Variants in MCHR2 observed in about 807,000 individuals in gnomAD.
MCHR2 encodes melanin concentrating hormone receptor 2.
In MCHR2, 15 loss-of-function variants were observed where a neutral mutation model predicts 24.8. The ratio of observed to expected loss-of-function variants is 0.60; its 90% confidence interval spans 0.40 to 0.93. The LOEUF (loss-of-function observed/expected upper bound fraction) is 0.93. MCHR2 is among the 40% of genes least tolerant of loss of function. MCHR2 has a pLI of 0.00. For synonymous variants in MCHR2, 151 were observed against 147.6 expected, an observed-to-expected ratio of 1.02 and a Z score of -0.17; for missense variants, 386 against 408.7, an observed-to-expected ratio of 0.94 and a Z score of 0.48.
At chr6:99,990,714 T>C (rs1295774776) in intron 1 of MCHR2, among the ~76,000 whole-genome samples, 1 of 151,970 alleles carries the variant, frequency 6.6e-6, no homozygotes, top group East Asian at 1.9e-4. Flanking sequence ...ATCATAAACT[T>C]TTCCCTGGAT....
chr6:99,929,695 A>C (rs1774466206), intron 5 of MCHR2, among the ~76,000 whole-genome samples: 9 of 151,928 alleles, frequency 5.9e-5, no homozygotes, highest in Admixed American at 5.9e-4. Flanking sequence ...TGCTTGGTAG[A>C]TCTTTCTCCA....
At chr6:99,981,321 C>T (rs894207870) in intron 1 of MCHR2, among the ~76,000 whole-genome samples, 2 of 152,192 alleles carry the variant, frequency 1.3e-5, no homozygotes, top group African/African-American at 2.4e-5. Context: ...CTGCTAAACA[C>T]TTCCCTGTGG....
intron 1 of MCHR2, among the ~76,000 whole-genome samples, chr6:99,974,254 T>C (rs959865887): frequency 7.0e-6 from 1 of 143,306 alleles, no homozygotes; most frequent in Non-Finnish European, 1.5e-5. Flanking sequence ...AAGCTTTGTT[T>C]GTTTCTTTTT....
chr6:99,923,050 G>A (rs1562115726), intron 5 of MCHR2, among the ~76,000 whole-genome samples: 1 of 151,958 alleles, frequency 6.6e-6, no homozygotes, highest in African/African-American at 2.4e-5. Flanking sequence ...ATTTTTTGGT[G>A]TCCTCTTCAA....
chr6:99,936,459 C>A (rs1582377220), intron 4 of MCHR2, among the ~76,000 whole-genome samples: 1 of 151,810 alleles, frequency 6.6e-6, no homozygotes, highest in Non-Finnish European at 1.5e-5. Flanking sequence ...AAGGGACTTT[C>A]CTGTCTCCAT....
At chr6:99,931,931 G>A (rs553677699) in intron 5 of MCHR2, among the ~76,000 whole-genome samples, 6 of 152,250 alleles carry the variant, frequency 3.9e-5, no homozygotes, top group South Asian at 2.1e-4. Flanking sequence ...CTTCTGCGTC[G>A]CTCACGCTGG....
intron 1 of MCHR2, among the ~76,000 whole-genome samples, chr6:99,961,155 G>A (rs573228129): frequency 2.6e-5 from 4 of 151,708 alleles, no homozygotes; most frequent in Non-Finnish European, 4.4e-5. Flanking sequence ...ATCAAAAAGT[G>A]GGCAAAGGAT....
intron 2 of MCHR2, among the ~76,000 whole-genome samples, chr6:99,955,076 T>G (rs1206355709): frequency 2.6e-5 from 4 of 152,126 alleles, no homozygotes; most frequent in Non-Finnish European, 5.9e-5. Flanking sequence ...TTATAACATA[T>G]GAATATGGAA....
At chr6:99,921,875 T>A (rs575949397) in intron 5 of MCHR2, among the ~76,000 whole-genome samples, 1 of 152,326 alleles carries the variant, frequency 6.6e-6, no homozygotes, top group African/African-American at 2.4e-5. Flanking sequence ...GAACATGTGA[T>A]GTTTGTCTTT....
At chr6:99,960,832 A>G (rs1254775480) in intron 1 of MCHR2, among the ~76,000 whole-genome samples, 2 of 152,198 alleles carry the variant, frequency 1.3e-5, no homozygotes, top group East Asian at 3.8e-4. Flanking sequence ...AATTAACTCA[A>G]GATGGATTAA....
At chr6:99,960,853 A>G (rs181337339) in intron 1 of MCHR2, among the ~76,000 whole-genome samples, 3 of 152,236 alleles carry the variant, frequency 2.0e-5, no homozygotes, top group South Asian at 2.1e-4. Flanking sequence ...AGACAGAAAC[A>G]TAAGACCTAA....
At chr6:99,955,498 G>C (rs184177381) in intron 2 of MCHR2, among the ~76,000 whole-genome samples, 1 of 152,096 alleles carries the variant, frequency 6.6e-6, no homozygotes, top group Non-Finnish European at 1.5e-5. Context: ...TTGCCCAAGT[G>C]AGTAAAAGAA....
intron 4 of MCHR2, among the ~76,000 whole-genome samples, chr6:99,936,419 G>C (rs1173120583): frequency 6.6e-6 from 1 of 151,888 alleles, no homozygotes; most frequent in Non-Finnish European, 1.5e-5. Context: ...TCTGCATGTA[G>C]TTTTCCAGTT....
chr6:99,970,871 T>G (rs1775401122), intron 1 of MCHR2, among the ~76,000 whole-genome samples: 1 of 152,228 alleles, frequency 6.6e-6, no homozygotes, highest in East Asian at 1.9e-4. Context: ...CAGATGGTTG[T>G]AGATATGCGG....
chr6:99,930,128 G>A (rs1370199184), intron 5 of MCHR2, among the ~76,000 whole-genome samples: 1 of 151,710 alleles, frequency 6.6e-6, no homozygotes, highest in East Asian at 1.9e-4. Context: ...GAAATTCTGG[G>A]TTGAAAATTC....
intron 1 of MCHR2, among the ~76,000 whole-genome samples, chr6:99,973,212 G>A (rs372588099): frequency 1.3e-5 from 2 of 151,706 alleles, no homozygotes; most frequent in Admixed American, 6.6e-5. Context: ...CTCTTTGTAG[G>A]TCACTCAGGA....
intron 1 of MCHR2, among the ~76,000 whole-genome samples, chr6:99,971,893 G>A (rs973179843): frequency 6.6e-6 from 1 of 152,204 alleles, no homozygotes; most frequent in Non-Finnish European, 1.5e-5. Flanking sequence ...AACCAGCCTT[G>A]CATCCCAGGG....
chr6:99,938,243 G>C (rs1272277484), intron 4 of MCHR2, among the ~76,000 whole-genome samples: 1 of 151,590 alleles, frequency 6.6e-6, no homozygotes, highest in Non-Finnish European at 1.5e-5. Flanking sequence ...TACTAATTTT[G>C]GGTTTGGTTT....
intron 1 of MCHR2, among the ~76,000 whole-genome samples, chr6:99,992,764 T>G (rs1775909328): frequency 6.6e-6 from 1 of 152,186 alleles, no homozygotes; most frequent in South Asian, 2.1e-4. Context: ...TGTAATTATC[T>G]TGTCATAGCC....
Sources: gnomAD v4.1 joint callset for allele counts (sites outside exome capture counted in the v4.1 genomes callset) on GRCh38, gnomAD v4.1.1 for gene constraint, MANE v1.5 for transcripts, NCBI Gene and HGNC (gene_info 2026-07-23, HGNC 2026-07-21) for gene names.